CHEK1: variants seen among roughly 807,000 people sequenced by gnomAD.
The protein encoded by CHEK1 is checkpoint kinase 1.
Under a neutral mutation model 60.2 loss-of-function variants are expected in CHEK1, and 32 were observed. The observed-to-expected ratio is 0.53, with a 90% CI of 0.40 to 0.71. The LOEUF is 0.71. Ranked by LOEUF, CHEK1 falls within the 30% of genes least tolerant of loss-of-function variation. The pLI is 0.00. For missense variants in CHEK1, 399 were observed against 564.6 expected (o/e 0.71, Z 2.97); for synonymous variants, 179 against 187.2 (o/e 0.96, Z 0.36).
intron 8 of CHEK1, chr11:125,643,014 ATTC>A (rs139917942): frequency 8.9e-4 from 135 of 152,344 alleles, no homozygotes; most frequent in African/African-American, 2.9e-3. Context: ...TCCATATAAT[ATTC>A]TTCTTTATAA....
intron 8 of CHEK1, among the ~76,000 whole-genome samples, chr11:125,638,815 G>C (rs1486386664): frequency 6.6e-6 from 1 of 151,978 alleles, no homozygotes; most frequent in African/African-American, 2.4e-5. Flanking sequence ...CATGATTCTT[G>C]GTGATTTAAA....
intron 13 of CHEK1, among the ~76,000 whole-genome samples, chr11:125,667,040 C>T (rs1942112468): frequency 6.6e-6 from 1 of 151,056 alleles, no homozygotes; most frequent in African/African-American, 2.4e-5. Context: ...GGTACACATG[C>T]CGGTTTATTA....
At chr11:125,641,612 AC>A (rs1040775821) in intron 8 of CHEK1, among the ~76,000 whole-genome samples, 11 of 152,030 alleles carry the variant, frequency 7.2e-5, no homozygotes, top group African/African-American at 2.2e-4. Flanking sequence ...TTCCTTTCAA[AC>A]CCATTCCTTT....
Position 125,656,968 on chromosome 11 carries a change from G to A in CHEK1, c.*1648G>A. On this transcript the variant is annotated 3_prime_UTR_variant, in exon 13 of 13. Coordinates refer to ENST00000438015, the MANE Select transcript of CHEK1 (RefSeq NM_001114122.3). ...AGACACTGATAATAAGTACCTTTTA[G>A]AGTTATTTTAATCTTTAATGCTTTA... is the stretch of plus-strand genomic sequence containing the variant. The A allele has an allele frequency of 5.1e-6, 1 of 197,876 alleles. No individual in the cohort carries two copies. Among genetic ancestry groups the A allele is most frequent in the Non-Finnish European group, 1.0e-5 (1 of 95,670 alleles). 12.3% of individuals were successfully genotyped at this position (197,876 alleles called of 1,614,324 possible).
chr11:125,662,107 TG>T (rs1336298889), downstream of CHEK1, among the ~76,000 whole-genome samples: 1 of 152,244 alleles, frequency 6.6e-6, no homozygotes, highest in East Asian at 1.9e-4. Context: ...ATTATAAGAA[TG>T]GTATCTTAGC....
At chr11:125,664,232 A>ATTT (rs34554687) in intron 13 of CHEK1, among the ~76,000 whole-genome samples, 2 of 129,376 alleles carry the variant, frequency 1.5e-5, no homozygotes, top group Non-Finnish European at 1.6e-5. Flanking sequence ...ATGTTGAACT[A>ATTT]TTTTTTTTTT....
At chr11:125,679,980 A>C (rs1591440650), downstream of CHEK1, among the ~76,000 whole-genome samples, 1 of 152,372 alleles carries the variant, frequency 6.6e-6, no homozygotes, top group East Asian at 1.9e-4. Context: ...AGACATAAAA[A>C]GCATGCTAAT....
chr11:125,677,708 G>T (rs1435331857), downstream of CHEK1: 2 of 1,528,112 alleles, frequency 1.3e-6, no homozygotes, highest in Non-Finnish European at 1.8e-6. Context: ...TCTTTCTTCT[G>T]CACTCCTTCC....
At chr11:125,654,722 T>C (rs1941852789) in intron 12 of CHEK1, among the ~76,000 whole-genome samples, 1 of 152,206 alleles carries the variant, frequency 6.6e-6, no homozygotes, top group African/African-American at 2.4e-5. Context: ...TGTTAGAGCA[T>C]TTGCCGCAGT....
chr11:125,678,147 T>G, downstream of CHEK1: 1 of 1,614,200 alleles, frequency 6.2e-7, no homozygotes, highest in Non-Finnish European at 8.5e-7. Flanking sequence ...ACTGGAACCA[T>G]GCTCACTTAA....
At chr11:125,666,099 AT>A (rs200695096) in intron 13 of CHEK1, among the ~76,000 whole-genome samples, 4 of 143,494 alleles carry the variant, frequency 2.8e-5, no homozygotes, top group African/African-American at 7.7e-5. Context: ...TAGGTTGTTT[AT>A]TTTTTTTCTG....
At chr11:125,645,479 C>A (rs895226328) in intron 11 of CHEK1, among the ~76,000 whole-genome samples, 3 of 151,972 alleles carry the variant, frequency 2.0e-5, no homozygotes, top group Non-Finnish European at 2.9e-5. Flanking sequence ...ACTAAAGAGG[C>A]CTGATAACTA....
chr11:125,657,609 A>G (rs1417638380), downstream of CHEK1, among the ~76,000 whole-genome samples: 1 of 152,182 alleles, frequency 6.6e-6, no homozygotes, highest in African/African-American at 2.4e-5. Flanking sequence ...CGAACTTTAT[A>G]TACATTTTGC....
intron 8 of CHEK1, among the ~76,000 whole-genome samples, chr11:125,641,802 T>TTA (rs1375342325): frequency 1.3e-5 from 2 of 151,468 alleles, no homozygotes; most frequent in African/African-American, 2.4e-5. Flanking sequence ...TTTTTTTTTT[T>TTA]ACCTCTACTG....
rs763207260 is a variant in CHEK1 at position 125,643,840 on chromosome 11, G to A, written c.863G>A (p.Ser288Asn). Reference protein sequence around the residue: ...VTSGGVSESPSGFSKHIQSNL... With the variant: ...VTSGGVSESPNGFSKHIQSNL... The stretch of plus-strand genomic sequence containing the variant: ...TCAGGTGGTGTGTCAGAGTCTCCCA[G>A]TGGATTTTCTAAGCACATTCAATCC... Residue 288 changes from serine to asparagine, a missense_variant, in exon 9 of 13, where the codon AGT (serine) becomes AAT (asparagine). By Grantham distance (46) the Ser-to-Asn change is conservative. Around this residue, in one of 2 missense-constraint regions of CHEK1, gnomAD observed 370 missense variants for 494.8 expected, o/e 0.75. Coordinates refer to ENST00000438015, the MANE Select transcript of CHEK1 (RefSeq NM_001114122.3). 14 of 1,614,150 alleles carry A rather than the reference G, an allele frequency of 8.7e-6. No individual in the cohort carries two copies. Among genetic ancestry groups the A allele is most frequent in the Non-Finnish European group, 1.2e-5 (14 of 1,180,024 alleles).
At chr11:125,638,392 G>A (rs1033675632) in intron 8 of CHEK1, among the ~76,000 whole-genome samples, 1 of 152,146 alleles carries the variant, frequency 6.6e-6, no homozygotes, top group African/African-American at 2.4e-5. Context: ...TTAAGAACTA[G>A]TATTGATAGG....
intron 13 of CHEK1, among the ~76,000 whole-genome samples, chr11:125,672,991 C>T (rs1942276266): frequency 6.6e-6 from 1 of 152,048 alleles, no homozygotes; most frequent in South Asian, 2.1e-4. Flanking sequence ...CTTAATCGTG[C>T]TACTCCCCTA....
chr11:125,653,938 T>C lies in CHEK1; in HGVS notation c.1335+91T>C. ...TATGTTTGTATATATGTGGCATTTGTAAATAGGTTACTTGCTTTTTTCGTT... is the reference window on the plus strand; with the variant it reads ...TATGTTTGTATATATGTGGCATTTGCAAATAGGTTACTTGCTTTTTTCGTT... On this transcript the variant is annotated intron_variant, in intron 12 of 12. Transcript: ENST00000438015. This position sits in a 1 kb window ranked among gnomAD's most constrained non-coding sequence, Gnocchi z 4.3. The C allele has an allele frequency of 1.5e-6, 1 of 664,580 alleles. No individual in the cohort carries two copies. The highest frequency in any genetic ancestry group is 3.1e-5 in the Admixed American group (1 of 32,270). The allele number at this position is 664,580 out of a possible 1,614,324, so 41.2% of individuals were successfully genotyped here.
At chr11:125,676,500 G>A (rs1324441309), downstream of CHEK1, 1 of 1,613,706 alleles carries the variant, frequency 6.2e-7, no homozygotes, top group African/African-American at 1.3e-5. Context: ...AGATAAGCCT[G>A]ATGACATTTC....
Sources: gnomAD v4.1 joint callset for allele counts (sites outside exome capture counted in the v4.1 genomes callset) on GRCh38, gnomAD v4.1.1 for gene constraint, gnomAD v4.1.1 regional missense constraint, Gnocchi (gnomAD v3.1) non-coding constraint, MANE v1.5 for transcripts, NCBI Gene and HGNC (gene_info 2026-07-23, HGNC 2026-07-21) for gene names.